DYNC2H1: variants seen among roughly 807,000 people sequenced by gnomAD.
The protein encoded by DYNC2H1 is dynein cytoplasmic 2 heavy chain 1.
DYNC2H1 carries 410 observed loss-of-function variants against 570.0 expected under a neutral mutation model. That is an observed-to-expected ratio of 0.72 (90% CI 0.66 to 0.78). DYNC2H1 has a LOEUF of 0.78. DYNC2H1 is among the 30% of genes least tolerant of loss of function. The probability of loss-of-function intolerance (pLI) is 0.00; values close to 1 mark genes in which losing one functional copy is unlikely to be tolerated. For synonymous variants in DYNC2H1, 1,688 were observed against 1,677.6 expected (o/e 1.01, Z -0.15); for missense variants, 4,865 against 5,046.4 (o/e 0.96, Z 1.09).
chr11:103,352,078 C>G (rs1053397684), intron 82 of DYNC2H1, among the ~76,000 whole-genome samples: 1 of 151,950 alleles, frequency 6.6e-6, no homozygotes, highest in Admixed American at 6.6e-5. Context: ...TTTTCTGTAT[C>G]TGTAATTTCC....
At chr11:103,310,039 ATTATATGTATGT>A (rs1867502735) in intron 78 of DYNC2H1, among the ~76,000 whole-genome samples, 1 of 152,156 alleles carries the variant, frequency 6.6e-6, no homozygotes, top group Non-Finnish European at 1.5e-5. Context: ...GTTCAAAATG[ATTATATGTATGT>A]GCATATATAT....
chr11:103,426,833 A>G (rs1226002427), intron 84 of DYNC2H1, among the ~76,000 whole-genome samples: 4 of 152,324 alleles, frequency 2.6e-5, no homozygotes, highest in South Asian at 2.1e-4. Context: ...TAATTGTTTT[A>G]TGTTCTAATT....
intron 84 of DYNC2H1, chr11:103,405,376 G>A (rs1942819944): frequency 6.6e-6 from 1 of 151,896 alleles, no homozygotes. Flanking sequence ...TAAAATAGAA[G>A]AAACACCTGC....
intron 87 of DYNC2H1, 101 bp from the exon 88 acceptor site, chr11:103,468,488 G>C: frequency 1.4e-6 from 1 of 736,808 alleles, no homozygotes; most frequent in South Asian, 2.1e-5. Flanking sequence ...TTTGGAATCG[G>C]TGAACACAAT....
At position 103,456,269 on chromosome 11, in the gene DYNC2H1, T is replaced by C; in HGVS notation, c.12567-6T>C. On this transcript the variant is annotated splice_region_variant and splice_polypyrimidine_tract_variant and intron_variant, in intron 86 of 88. Coordinates refer to ENST00000375735, the MANE Select transcript of DYNC2H1 (RefSeq NM_001377.3). ...GATTTGTGACTTTGATGCTTTACCT[T>C]TACAGGGCAGTGGGTCGTTCTGTGG... 6.2e-7 allele frequency: 1 copy of C among 1,604,430 alleles called. No individual in the cohort carries two copies. Among genetic ancestry groups the C allele is most frequent in the South Asian group, 1.1e-5 (1 of 89,010 alleles).
At chr11:103,282,289 C>T (rs1866173832) in intron 72 of DYNC2H1, 60 bp downstream of exon 72, 2 of 1,507,642 alleles carry the variant, frequency 1.3e-6, no homozygotes, top group Non-Finnish European at 1.8e-6. Flanking sequence ...GCTTTTTGTT[C>T]ATGAGGTATA....
intron 36 of DYNC2H1, among the ~76,000 whole-genome samples, chr11:103,174,938 G>T (rs1218727586): frequency 2.0e-5 from 3 of 150,458 alleles, no homozygotes; most frequent in Non-Finnish European, 4.4e-5. Context: ...GGGTTTGGGG[G>T]GGTGGGGTGG....
At chr11:103,450,941 A>C (rs931181710) in intron 85 of DYNC2H1, among the ~76,000 whole-genome samples, 2 of 152,172 alleles carry the variant, frequency 1.3e-5, no homozygotes, top group Admixed American at 1.3e-4. Context: ...CTGTGTATAC[A>C]TTTTTGCATT....
At chr11:103,196,250 A>G (rs1399688421) in intron 47 of DYNC2H1, among the ~76,000 whole-genome samples, 2 of 152,196 alleles carry the variant, frequency 1.3e-5, no homozygotes, top group Non-Finnish European at 2.9e-5. Flanking sequence ...GCCTACTGCA[A>G]TAGTCCAAGT....
At chr11:103,138,038 T>C (rs1299760494) in intron 17 of DYNC2H1, among the ~76,000 whole-genome samples, 2,447 of 150,812 alleles carry the variant, frequency 0.016, 63 homozygotes, top group African/African-American at 0.056. Context: ...TGTCTGTTAT[T>C]GGTGTATAAG....
At chr11:103,476,915 G>A (rs1217062129) in intron 88 of DYNC2H1, among the ~76,000 whole-genome samples, 2 of 152,178 alleles carry the variant, frequency 1.3e-5, no homozygotes, top group Non-Finnish European at 1.5e-5. Flanking sequence ...CTGCCAAAAA[G>A]CTGATTTTTT....
In DYNC2H1 at chr11:103,446,336, G is replaced by T. The variant is rs1944423422; in HGVS notation, c.12457-8850G>T. On this transcript the variant is annotated intron_variant, in intron 85 of 88. Transcript: ENST00000375735. This position sits in a 1 kb window ranked among gnomAD's most constrained non-coding sequence, Gnocchi z 4.5. ...CCATCATTAAAACCAAGAAATAGTA[G>T]TTAGGTATATAGAAGAAAGCCTGGG... 6.6e-6 allele frequency among the ~76,000 whole-genome samples: 1 copy of T among 152,140 alleles called. No homozygotes were observed.
Position 103,455,263 on chromosome 11 carries a change from A to G in DYNC2H1, c.12534A>G (p.Thr4178=), listed in dbSNP as rs1393506228. 3.1e-6 allele frequency: 5 copies of G among 1,613,344 alleles called. No individual in the cohort carries two copies. Among genetic ancestry groups the G allele is most frequent in the African/African-American group, 2.7e-5 (2 of 74,876 alleles). Residue 4178 remains threonine, a synonymous_variant, in exon 86 of 89, where the codon ACA becomes ACG. Coordinates refer to ENST00000375735, the MANE Select transcript of DYNC2H1 (RefSeq NM_001377.3). The part of the protein sequence containing the change: ...LDLSELFHPD[T]FLNALRQETA... ...TATCAGAACTTTTCCATCCAGACAC[A>G]TTTCTTAATGCTCTTCGCCAGGAAA...
intron 17 of DYNC2H1, 76 bp from the exon 18 acceptor site, chr11:103,143,192 G>T (rs1860049452): frequency 6.0e-6 from 9 of 1,491,192 alleles, no homozygotes; most frequent in South Asian, 1.3e-5. Context: ...GGTTTTAATA[G>T]TTGAATCCTA....
chr11:103,247,532 T>A (rs888078097), intron 65 of DYNC2H1, among the ~76,000 whole-genome samples: 2 of 152,094 alleles, frequency 1.3e-5, no homozygotes, highest in Non-Finnish European at 2.9e-5. Context: ...TATTTGGCAA[T>A]GTCAGGAGAC....
chr11:103,325,497 T>G lies in DYNC2H1; in HGVS notation c.12039+1507T>G, dbSNP rs1827555570. Reference sequence around the variant, plus strand: ...TTCCCCACTGCTTGTTTTATGGACCTTGTCAAAGATCGTCAGATTGTTGTA... The same window carrying G: ...TTCCCCACTGCTTGTTTTATGGACCGTGTCAAAGATCGTCAGATTGTTGTA... On this transcript the variant is annotated intron_variant, in intron 82 of 88. Coordinates refer to ENST00000375735, the MANE Select transcript of DYNC2H1 (RefSeq NM_001377.3). This position sits in a 1 kb window ranked among gnomAD's most constrained non-coding sequence, Gnocchi z 4.8. Among the ~76,000 whole-genome samples, 1 of 152,228 alleles carries G rather than the reference T, an allele frequency of 6.6e-6. No individual in the cohort carries two copies. The highest frequency in any genetic ancestry group is 2.1e-4 in the South Asian group (1 of 4,826).
Position 103,461,475 on chromosome 11 carries a change from G to C in DYNC2H1, c.12648+5119G>C, listed in dbSNP as rs760511524. Among the ~76,000 whole-genome samples, 4 of 152,060 alleles carry C rather than the reference G, an allele frequency of 2.6e-5. No individual in the cohort carries two copies. The highest frequency in any genetic ancestry group is 2.9e-5 in the Non-Finnish European group (2 of 68,026). ...ATTCCTGCCATTATTGATCTATTAT[G>C]TGTTAAATAGTACTTGAAAACTTGA... On this transcript the variant is annotated intron_variant, in intron 87 of 88. Coordinates refer to ENST00000375735, the MANE Select transcript of DYNC2H1 (RefSeq NM_001377.3). The surrounding 1 kb of genome is among the most constrained non-coding windows in gnomAD (Gnocchi z 4.8).
intron 83 of DYNC2H1, among the ~76,000 whole-genome samples, chr11:103,379,207 A>G (rs1941535491): frequency 6.6e-6 from 1 of 152,192 alleles, no homozygotes; most frequent in Non-Finnish European, 1.5e-5. Context: ...CATGGCAGTT[A>G]CCATGTTCTC....
chr11:103,329,852 T>C (rs890295376), intron 82 of DYNC2H1, among the ~76,000 whole-genome samples: 2 of 152,200 alleles, frequency 1.3e-5, no homozygotes, highest in African/African-American at 4.8e-5. Flanking sequence ...TGAAAAAATA[T>C]CTTAAAATAT....
Sources: allele counts gnomAD v4.1 joint callset (sites outside exome capture counted in the v4.1 genomes callset), GRCh38; gene constraint gnomAD v4.1.1; non-coding constraint Gnocchi (gnomAD v3.1); transcripts MANE v1.5; gene names NCBI Gene and HGNC (gene_info 2026-07-23, HGNC 2026-07-21).